Variants in TTC7B observed in about 807,000 individuals in gnomAD.
The protein encoded by TTC7B is tetratricopeptide repeat domain 7B.
A neutral mutation model predicts 106.8 loss-of-function variants in TTC7B; 28 were observed. That is an observed-to-expected ratio of 0.26 (90% CI 0.19 to 0.36). TTC7B has a LOEUF of 0.36. TTC7B is among the 10% of genes least tolerant of loss of function. The probability of loss-of-function intolerance (pLI) is 1.00; values close to 1 mark genes in which losing one functional copy is unlikely to be tolerated. For synonymous variants in TTC7B, 405 were observed against 430.6 expected (o/e 0.94, Z 0.74); for missense variants, 862 against 1,076.4 (o/e 0.80, Z 2.79).
Position 90,735,343 on chromosome 14 carries a change from C to A in TTC7B, c.577-5147G>T, listed in dbSNP as rs540541580. Among the ~76,000 whole-genome samples the A allele has an allele frequency of 2.1e-4, 31 of 149,250 alleles. No homozygotes were observed. In the South Asian group the frequency reaches 4.9e-3, roughly 24 times the overall value. ...CAACATGGTGAGACCCTGGTCTCTACGAAAATGTTAAAAATTAGCCAGGTG... is the reference window on the plus strand; with the variant it reads ...CAACATGGTGAGACCCTGGTCTCTAAGAAAATGTTAAAAATTAGCCAGGTG... On this transcript the variant is annotated intron_variant, in intron 4 of 19. Coordinates refer to ENST00000328459, the MANE Select transcript of TTC7B (RefSeq NM_001010854.2).
In TTC7B at chr14:90,531,449, A is replaced by AC. The variant is rs1889282734; in HGVS notation, c.*9918_*9919insG. The stretch of plus-strand genomic sequence containing the variant: ...AAATACAAAACAAAAAAACAAACAA[A>AC]AAAAAAACAAAAAACAAAAATCAGC... On this transcript the variant is annotated 3_prime_UTR_variant, in exon 20 of 20. Coordinates refer to ENST00000328459, the MANE Select transcript of TTC7B (RefSeq NM_001010854.2). 8 of 151,914 alleles carry AC rather than the reference A, an allele frequency of 5.3e-5. No individual in the cohort carries two copies. Among genetic ancestry groups the AC allele is most frequent in the African/African-American group, 1.9e-4 (8 of 41,390 alleles). The allele number at this position is 151,914 out of a possible 1,614,324, so 9.4% of individuals were successfully genotyped here.
intron 18 of TTC7B, among the ~76,000 whole-genome samples, chr14:90,583,281 G>A (rs1374939048): frequency 1.3e-5 from 2 of 152,204 alleles, no homozygotes; most frequent in Non-Finnish European, 2.9e-5. Context: ...GTATCCCTCA[G>A]CAGAGGATCT....
At chr14:90,627,848 A>G (rs1461674076) in intron 15 of TTC7B, among the ~76,000 whole-genome samples, 1 of 152,212 alleles carries the variant, frequency 6.6e-6, no homozygotes, top group Non-Finnish European at 1.5e-5. Flanking sequence ...CACGTCAGCT[A>G]TTAATCTCCA....
intron 4 of TTC7B, among the ~76,000 whole-genome samples, chr14:90,731,112 A>ATT (rs143811999): frequency 2.7e-5 from 4 of 147,622 alleles, no homozygotes; most frequent in South Asian, 2.1e-4. Flanking sequence ...CACTTAGCTA[A>ATT]TTTTTTTTTT....
At position 90,557,873 on chromosome 14, in the gene TTC7B, C is replaced by T. The variant is rs577216815; in HGVS notation, c.2311-16284G>A. Among the ~76,000 whole-genome samples, 8 of 152,344 alleles carry T rather than the reference C, an allele frequency of 5.3e-5. No homozygotes were observed. In the South Asian group the frequency reaches 1.7e-3, roughly 32 times the overall value. ...GAGTTCTGGAAGGCGACTGGATTTA[C>T]AGGAAACTCTGGAAAGCTCAAAAAT... On this transcript the variant is annotated intron_variant, in intron 19 of 19. Coordinates refer to ENST00000328459, the MANE Select transcript of TTC7B (RefSeq NM_001010854.2).
chr14:90,709,522 A>G (rs1888351162), intron 5 of TTC7B, among the ~76,000 whole-genome samples: 1 of 116,284 alleles, frequency 8.6e-6, no homozygotes, highest in African/African-American at 3.4e-5. Flanking sequence ...AACATCACAC[A>G]CCGGGGACTG....
intron 5 of TTC7B, among the ~76,000 whole-genome samples, chr14:90,713,614 T>C (rs957353133): frequency 6.6e-6 from 1 of 152,024 alleles, no homozygotes; most frequent in Non-Finnish European, 1.5e-5. Context: ...GAACGTAAAA[T>C]GGTACCATGG....
chr14:90,703,010 T>C (rs1749704), intron 5 of TTC7B, among the ~76,000 whole-genome samples: 4 of 151,948 alleles, frequency 2.6e-5, no homozygotes, highest in Admixed American at 6.6e-5. Context: ...ACTAAAAAAT[T>C]TGAACTCAAA....
intron 17 of TTC7B, among the ~76,000 whole-genome samples, chr14:90,604,618 C>T (rs1452484677): frequency 6.6e-6 from 1 of 152,036 alleles, no homozygotes; most frequent in Non-Finnish European, 1.5e-5. Context: ...CATAACTGGG[C>T]ATTTGGAACA....
At chr14:90,593,734 G>A in intron 17 of TTC7B, 108 bp from the exon 18 acceptor site, 1 of 1,154,922 alleles carries the variant, frequency 8.7e-7, no homozygotes, top group Non-Finnish European at 1.2e-6. Context: ...CTTCCCCCAT[G>A]ATGTTTCTAA....
At chr14:90,576,892 T>C (rs923082302) in intron 19 of TTC7B, among the ~76,000 whole-genome samples, 1 of 152,236 alleles carries the variant, frequency 6.6e-6, no homozygotes, top group African/African-American at 2.4e-5. Flanking sequence ...AACCACATCC[T>C]ATTAGTCTTG....
Position 90,773,351 on chromosome 14 carries a change from A to G in TTC7B, c.445+7387T>C, listed in dbSNP as rs190062593. ...GCAGGTTATCTCACACCAGAATCGC[A>G]TCAACCATATCCTCACTCACAATGA... On this transcript the variant is annotated intron_variant, in intron 3 of 19. Transcript: ENST00000328459. Among the ~76,000 whole-genome samples the G allele has an allele frequency of 4.2e-3, 647 of 152,342 alleles. 1 individual carries two copies. The highest frequency in any genetic ancestry group is 7.7e-3 in the Non-Finnish European group (521 of 68,032).
At chr14:90,731,854 C>T (rs1261925504) in intron 4 of TTC7B, among the ~76,000 whole-genome samples, 1 of 152,212 alleles carries the variant, frequency 6.6e-6, no homozygotes, top group Admixed American at 6.5e-5. Flanking sequence ...CTGTGAATTT[C>T]CAACTCACAT....
chr14:90,551,973 T>C (rs747567590), intron 19 of TTC7B, among the ~76,000 whole-genome samples: 18 of 152,264 alleles, frequency 1.2e-4, no homozygotes, highest in Middle Eastern at 3.2e-3. Context: ...GCCTGGTCTC[T>C]ATGGGGCTCT....
chr14:90,787,414 T>C (rs1228265808), intron 1 of TTC7B, among the ~76,000 whole-genome samples: 1 of 152,176 alleles, frequency 6.6e-6, no homozygotes, highest in Non-Finnish European at 1.5e-5. Flanking sequence ...TATTAAAATA[T>C]AAAATCAGTT....
At chr14:90,769,176 A>G (rs969583503) in intron 3 of TTC7B, among the ~76,000 whole-genome samples, 1 of 152,314 alleles carries the variant, frequency 6.6e-6, no homozygotes, top group African/African-American at 2.4e-5. Context: ...TAGCTAGCAA[A>G]TATACACAAA....
chr14:90,675,478 C>T (rs989150560), intron 9 of TTC7B, among the ~76,000 whole-genome samples: 3 of 152,180 alleles, frequency 2.0e-5, no homozygotes, highest in East Asian at 1.9e-4. Flanking sequence ...GACTGAGTCC[C>T]GGGGCTGAGC....
intron 13 of TTC7B, among the ~76,000 whole-genome samples, chr14:90,650,519 A>G (rs982844516): frequency 4.6e-5 from 7 of 152,178 alleles, no homozygotes; most frequent in African/African-American, 1.7e-4. Flanking sequence ...TGCACACATC[A>G]TACCACACTT....
At chr14:90,753,409 A>G (rs1394960371) in intron 3 of TTC7B, among the ~76,000 whole-genome samples, 1 of 152,246 alleles carries the variant, frequency 6.6e-6, no homozygotes, top group African/African-American at 2.4e-5. Flanking sequence ...TCCAAGGCTG[A>G]AAAGAGACTC....
Sources: gnomAD v4.1 joint callset for allele counts (sites outside exome capture counted in the v4.1 genomes callset) on GRCh38, gnomAD v4.1.1 for gene constraint, MANE v1.5 for transcripts, NCBI Gene and HGNC (gene_info 2026-07-23, HGNC 2026-07-21) for gene names.